Variants in TOP1MT observed in about 807,000 individuals in gnomAD.
The protein encoded by TOP1MT is DNA topoisomerase I, mitochondrial.
A neutral mutation model predicts 73.9 loss-of-function variants in TOP1MT; 80 were observed. The ratio of observed to expected loss-of-function variants is 1.08; its 90% confidence interval spans 0.90 to 1.30. The LOEUF (loss-of-function observed/expected upper bound fraction) is 1.30. Among genes scored for constraint, TOP1MT ranks in the 50% most tolerant of loss-of-function variants. The probability of loss-of-function intolerance (pLI) is 0.00; values close to 1 mark genes in which losing one functional copy is unlikely to be tolerated. For synonymous variants in TOP1MT, 338 were observed against 326.4 expected (o/e 1.04, Z -0.38); for missense variants, 815 against 808.0 (o/e 1.01, Z -0.10).
At chr8:143,329,694 T>C (rs1816803052) in intron 2 of TOP1MT, among the ~76,000 whole-genome samples, 1 of 152,214 alleles carries the variant, frequency 6.6e-6, no homozygotes, top group Non-Finnish European at 1.5e-5. Flanking sequence ...GTGAGAAAGC[T>C]GCAGAAGATT....
chr8:143,329,712 C>T (rs751990086), intron 2 of TOP1MT, among the ~76,000 whole-genome samples: 16 of 152,198 alleles, frequency 1.1e-4, no homozygotes, highest in South Asian at 4.1e-4. Context: ...ATTTCAGGCG[C>T]TACTGCTTTC....
At chr8:143,339,315 C>T (rs1043035103), upstream of TOP1MT, among the ~76,000 whole-genome samples, 14 of 152,240 alleles carry the variant, frequency 9.2e-5, no homozygotes, top group South Asian at 2.1e-4. Context: ...AGCAGGCGTG[C>T]GTATCACACC....
chr8:143,326,142 C>A, intron 4 of TOP1MT, 80 bp downstream of exon 4: 3 of 1,540,654 alleles, frequency 1.9e-6, no homozygotes, highest in Non-Finnish European at 2.6e-6. Flanking sequence ...AGGCCACAGG[C>A]CTTTCTCAGT....
In TOP1MT at chr8:143,331,292, T is replaced by G; in HGVS notation, c.170A>C (p.Glu57Ala). Reference sequence around the variant, plus strand: ...GGGTGCGAAGTACGGGCCCTTGTGCTCCAGCTGTCTCCACTTCACCCCGTC... The same window carrying G: ...GGGTGCGAAGTACGGGCCCTTGTGCGCCAGCTGTCTCCACTTCACCCCGTC... ...HEDGVKWRQL[E>A]HKGPYFAPPY... The change falls in exon 2 of 14, where the codon GAG becomes GCG. Residue 57 changes from glutamate to alanine, a missense_variant. Coordinates refer to ENST00000329245, the MANE Select transcript of TOP1MT (RefSeq NM_052963.3). The G allele has an allele frequency of 6.2e-7, 1 of 1,612,950 alleles. No individual in the cohort carries two copies. The highest frequency in any genetic ancestry group is 8.5e-7 in the Non-Finnish European group (1 of 1,179,138).
chr8:143,330,089 A>T (rs1816812298), intron 2 of TOP1MT, among the ~76,000 whole-genome samples: 1 of 152,266 alleles, frequency 6.6e-6, no homozygotes, highest in Non-Finnish European at 1.5e-5. Flanking sequence ...GGTAAGAAGG[A>T]GGAAGGCATT....
At chr8:143,336,153 G>A (rs1563768937), upstream of TOP1MT, among the ~76,000 whole-genome samples, 2 of 152,232 alleles carry the variant, frequency 1.3e-5, no homozygotes, top group South Asian at 4.1e-4. Flanking sequence ...AGGTTTCTAA[G>A]GGTTTTTGAT....
chr8:143,320,099 G>C (rs1816287980), intron 8 of TOP1MT, among the ~76,000 whole-genome samples: 1 of 151,872 alleles, frequency 6.6e-6, no homozygotes, highest in African/African-American at 2.4e-5. Context: ...ACTCCAGCCT[G>C]AGCAACAGTG....
upstream of TOP1MT, among the ~76,000 whole-genome samples, chr8:143,335,811 G>T (rs894178694): frequency 1.3e-5 from 2 of 152,254 alleles, no homozygotes; most frequent in Non-Finnish European, 2.9e-5. Flanking sequence ...CACGCCCTCA[G>T]CGACCCTCCC....
At chr8:143,313,912 G>A (rs111923137) in intron 12 of TOP1MT, among the ~76,000 whole-genome samples, 195 of 150,884 alleles carry the variant, frequency 1.3e-3, no homozygotes, top group African/African-American at 4.4e-3. Flanking sequence ...GCGAAACATC[G>A]ACGAGCTCTT....
At chr8:143,340,254 C>T (rs1187406814) in intron 2 of TOP1MT, among the ~76,000 whole-genome samples, 1 of 48,964 alleles carries the variant, frequency 2.0e-5, no homozygotes, top group African/African-American at 4.0e-5. Context: ...AGCATTCCCA[C>T]ACTCCCAGCA....
chr8:143,337,041 GA>G (rs1235056201), upstream of TOP1MT, among the ~76,000 whole-genome samples: 1 of 152,150 alleles, frequency 6.6e-6, no homozygotes, highest in Non-Finnish European at 1.5e-5. Flanking sequence ...CTTATACTCT[GA>G]AAACTGTAAA....
At chr8:143,321,495 C>A in intron 7 of TOP1MT, 109 bp from the exon 8 acceptor site, 2 of 276,804 alleles carry the variant, frequency 7.2e-6, no homozygotes, top group Non-Finnish European at 5.4e-6. Flanking sequence ...ACGCCACACA[C>A]GCACGCCACA....
chr8:143,330,423 A>G (rs1232553395), intron 2 of TOP1MT, among the ~76,000 whole-genome samples: 1 of 152,244 alleles, frequency 6.6e-6, no homozygotes, highest in Admixed American at 6.5e-5. Flanking sequence ...GGCAGCCCCC[A>G]CAGACACAGC....
intron 2 of TOP1MT, among the ~76,000 whole-genome samples, chr8:143,340,884 C>T (rs748464226): frequency 1.3e-5 from 2 of 152,204 alleles, no homozygotes; most frequent in South Asian, 2.1e-4. Flanking sequence ...TCCTCGTCCT[C>T]GTTCTGTGCT....
chr8:143,333,838 C>A (rs1816922161), intron 1 of TOP1MT: 1 of 152,390 alleles, frequency 6.6e-6, no homozygotes, highest in South Asian at 2.1e-4. Flanking sequence ...ATGCAGGGCC[C>A]ACAGCCAGCC....
chr8:143,322,321 A>G (rs1586759165), intron 7 of TOP1MT, among the ~76,000 whole-genome samples: 1 of 77,992 alleles, frequency 1.3e-5, no homozygotes, highest in African/African-American at 5.6e-5. Flanking sequence ...CACGCCATAC[A>G]GATGCATGCC....
chr8:143,316,020 C>T lies in TOP1MT; in HGVS notation c.1437G>A (p.Ser479=), dbSNP rs771420821. ...QRATPSTFEK[S]MQNLQTKIQA... ...CTACCTTCGTCTGGAGATTCTGCAT[C>T]GACTTCTCGAACGTACTGGGGGTTG... The change falls in exon 11 of 14, where the codon TCG becomes TCA. Residue 479 remains serine, a synonymous_variant. Coordinates refer to ENST00000329245, the MANE Select transcript of TOP1MT (RefSeq NM_052963.3). 5.6e-6 allele frequency: 9 copies of T among 1,614,052 alleles called. No homozygotes were observed. Among genetic ancestry groups the T allele is most frequent in the Admixed American group, 3.3e-5 (2 of 60,010 alleles).
upstream of TOP1MT, among the ~76,000 whole-genome samples, chr8:143,346,478 A>C (rs1224067510): frequency 1.3e-5 from 2 of 152,232 alleles, no homozygotes; most frequent in South Asian, 4.1e-4. Flanking sequence ...ACAAAGCAGC[A>C]CAAGAGAATA....
rs371038066 is a variant in TOP1MT at position 143,315,719 on chromosome 8, G to A, written c.1553+8C>T. On this transcript the variant is annotated splice_region_variant and intron_variant, in intron 12 of 13. Coordinates refer to ENST00000329245, the MANE Select transcript of TOP1MT (RefSeq NM_052963.3). ...CGGGAGAAGGCGTCTGAGGGCACGG[G>A]TACTCACCTCCTGGACTTGCCATCC... The A allele has an allele frequency of 1.9e-6, 3 of 1,612,560 alleles. No individual in the cohort carries two copies. Among genetic ancestry groups the A allele is most frequent in the Non-Finnish European group, 1.7e-6 (2 of 1,178,890 alleles).
Sources: allele counts gnomAD v4.1 joint callset (sites outside exome capture counted in the v4.1 genomes callset), GRCh38; gene constraint gnomAD v4.1.1; transcripts MANE v1.5; gene names NCBI Gene and HGNC (gene_info 2026-07-23, HGNC 2026-07-21).